Variants in PATJ observed in about 807,000 individuals in gnomAD.
PATJ encodes the protein inaD-like protein.
Under a neutral mutation model 224.9 loss-of-function variants are expected in PATJ, and 190 were observed. The observed-to-expected ratio is 0.84, with a 90% confidence interval of 0.75 to 0.95. PATJ has a LOEUF of 0.95. PATJ is among the 40% of genes least tolerant of loss of function. The probability of loss-of-function intolerance (pLI) is 0.00; values close to 1 mark genes in which losing one functional copy is unlikely to be tolerated. For missense variants in PATJ, 2,121 were observed against 2,270.3 expected (o/e 0.93, Z 1.34); for synonymous variants, 769 against 820.3 (o/e 0.94, Z 1.07).
chr1:61,888,195 A>G (rs1669143399), intron 22 of PATJ, among the ~76,000 whole-genome samples: 1 of 152,196 alleles, frequency 6.6e-6, no homozygotes, highest in Admixed American at 6.5e-5. Context: ...AAATAAGCAA[A>G]GGATTTGTTT....
intron 14 of PATJ, among the ~76,000 whole-genome samples, chr1:61,819,424 G>A (rs938278666): frequency 6.6e-6 from 1 of 151,750 alleles, no homozygotes; most frequent in Non-Finnish European, 1.5e-5. Context: ...CTATTTATTT[G>A]TCTGCCATGC....
At position 62,117,276 on chromosome 1, in the gene PATJ, T is replaced by C. The variant is rs185010858; in HGVS notation, c.4890+58T>C. The C allele has an allele frequency of 1.3e-5, 21 of 1,609,248 alleles. No individual in the cohort carries two copies. In the Admixed American group the frequency reaches 1.9e-4, roughly 14 times the overall value. On this transcript the variant is annotated intron_variant, in intron 37 of 43. Coordinates refer to ENST00000642238, the MANE Select transcript of PATJ (RefSeq NM_001350145.3). ...TCTTCTGCCCCCACTGGGAGAAAGTTCCCCATTTAATAAATGGTTGTTTGG... is the reference window on the plus strand; with the variant it reads ...TCTTCTGCCCCCACTGGGAGAAAGTCCCCCATTTAATAAATGGTTGTTTGG...
intron 14 of PATJ, among the ~76,000 whole-genome samples, chr1:61,822,497 G>A (rs1657496132): frequency 6.6e-6 from 1 of 151,830 alleles, no homozygotes; most frequent in South Asian, 2.1e-4. Context: ...TGATGGAGAT[G>A]TACAGAGGGC....
At chr1:62,072,760 A>AG (rs1657657092) in intron 31 of PATJ, 2 of 149,750 alleles carry the variant, frequency 1.3e-5, no homozygotes, top group Non-Finnish European at 2.9e-5. Context: ...AAAAAAAAAA[A>AG]AAAAGAAGAA....
chr1:61,978,074 A>G (rs1025272415), intron 27 of PATJ, among the ~76,000 whole-genome samples: 2 of 151,196 alleles, frequency 1.3e-5, no homozygotes, highest in Non-Finnish European at 2.9e-5. Context: ...CTGATTGACT[A>G]TTTCTTCTCT....
chr1:61,844,212 T>C (rs1481738833), intron 17 of PATJ, among the ~76,000 whole-genome samples: 1 of 152,230 alleles, frequency 6.6e-6, no homozygotes, highest in Non-Finnish European at 1.5e-5. Context: ...CCAGGGGGAA[T>C]TGAGGTCTGC....
chr1:61,886,017 G>A, intron 22 of PATJ, among the ~76,000 whole-genome samples: 1 of 151,686 alleles, frequency 6.6e-6, no homozygotes, highest in East Asian at 1.9e-4. Flanking sequence ...TCACACTCTG[G>A]GGACTGTTGT....
intron 27 of PATJ, among the ~76,000 whole-genome samples, chr1:61,970,890 TC>T (rs1682886188): frequency 6.7e-6 from 1 of 148,400 alleles, no homozygotes; most frequent in South Asian, 2.1e-4. Context: ...ATAAGATACT[TC>T]TGAGAGTTTG....
chr1:61,850,769 A>G (rs1192914902), intron 17 of PATJ, among the ~76,000 whole-genome samples: 2 of 152,196 alleles, frequency 1.3e-5, no homozygotes, highest in Non-Finnish European at 2.9e-5. Flanking sequence ...ATTTTTCTCA[A>G]TTTCCTCACC....
rs752526030 is a variant in PATJ at position 62,123,013 on chromosome 1, C to T, written c.5006-8C>T. The T allele has an allele frequency of 3.2e-6, 5 of 1,564,576 alleles. No individual in the cohort carries two copies. In the South Asian group the frequency reaches 4.7e-5, roughly 15 times the overall value. On this transcript the variant is annotated splice_region_variant and splice_polypyrimidine_tract_variant and intron_variant, in intron 38 of 43. Coordinates refer to ENST00000642238, the MANE Select transcript of PATJ (RefSeq NM_001350145.3). The stretch of plus-strand genomic sequence containing the variant: ...TATTAAAAAGTTAATTGTGTTGCTT[C>T]TTTATAGGCACAGATATGGAACCAA...
intron 28 of PATJ, chr1:62,013,293 T>A (rs1646561067): frequency 6.3e-6 from 6 of 952,592 alleles, no homozygotes; most frequent in African/African-American, 3.5e-5. Flanking sequence ...TTAGATTTCC[T>A]ACATGCTCAA....
intron 28 of PATJ, among the ~76,000 whole-genome samples, chr1:62,001,189 T>C (rs34530009): frequency 0.14 from 20,085 of 148,488 alleles, 1,528 homozygotes; most frequent in Non-Finnish European, 0.19. Context: ...AGCTCTTTAG[T>C]TTAATTAGAT....
chr1:62,155,951 G>C (rs143543791), intron 43 of PATJ, among the ~76,000 whole-genome samples: 3,146 of 150,622 alleles, frequency 0.021, 98 homozygotes, highest in African/African-American at 0.07. Flanking sequence ...CCAGCTACTC[G>C]GGAGGCTGAG....
At chr1:62,076,063 G>A (rs537955791) in intron 31 of PATJ, among the ~76,000 whole-genome samples, 1 of 151,956 alleles carries the variant, frequency 6.6e-6, no homozygotes, top group African/African-American at 2.4e-5. Context: ...CGAATGCTAG[G>A]ACCCCCATCC....
Position 61,928,103 on chromosome 1 carries a change from A to G in PATJ, c.3670+274A>G, listed in dbSNP as rs140103444. Among the ~76,000 whole-genome samples, 487 of 152,306 alleles carry G rather than the reference A, an allele frequency of 3.2e-3. 1 individual carries two copies. Among genetic ancestry groups the G allele is most frequent in the African/African-American group, 0.011 (467 of 41,574 alleles). On this transcript the variant is annotated intron_variant, in intron 27 of 43. Transcript: ENST00000642238. Reference sequence around the variant, plus strand: ...TTATTGTTTGGTTGTGAATACAAAAATGTCCCTAGTCTTTGAAATTAGAAT... The same window carrying G: ...TTATTGTTTGGTTGTGAATACAAAAGTGTCCCTAGTCTTTGAAATTAGAAT...
chr1:61,769,730 C>T (rs569189940), intron 5 of PATJ, among the ~76,000 whole-genome samples: 2 of 152,196 alleles, frequency 1.3e-5, no homozygotes, highest in African/African-American at 2.4e-5. Context: ...GACCATCTGA[C>T]TGCAAAGCTA....
chr1:61,917,688 G>A (rs867636093), intron 26 of PATJ, among the ~76,000 whole-genome samples: 1 of 152,048 alleles, frequency 6.6e-6, no homozygotes, highest in South Asian at 2.1e-4. Context: ...ATCTGGCTTT[G>A]GTTATGGTAA....
chr1:61,873,230 T>C (rs746387039), intron 20 of PATJ, among the ~76,000 whole-genome samples: 2 of 152,178 alleles, frequency 1.3e-5, no homozygotes, highest in Non-Finnish European at 2.9e-5. Context: ...TGGAGTGTCA[T>C]GATCACAGCT....
At chr1:61,939,963 C>A (rs549894954) in intron 27 of PATJ, among the ~76,000 whole-genome samples, 1 of 151,952 alleles carries the variant, frequency 6.6e-6, no homozygotes, top group South Asian at 2.1e-4. Flanking sequence ...TGTGAGCCAC[C>A]GCGCCCGGCC....
Sources: allele counts gnomAD v4.1 joint callset (sites outside exome capture counted in the v4.1 genomes callset), GRCh38; gene constraint gnomAD v4.1.1; transcripts MANE v1.5; gene names NCBI Gene and HGNC (gene_info 2026-07-23, HGNC 2026-07-21).